The following HPSE2 variants were observed in gnomAD, a reference collection of about 807,000 sequenced individuals.
HPSE2 encodes heparanase 2 (inactive), also known as inactive heparanase-2.
Under a neutral mutation model 60.5 loss-of-function variants are expected in HPSE2, and 38 were observed. That is an observed-to-expected ratio of 0.63 (90% CI 0.48 to 0.82). HPSE2 has a LOEUF of 0.82. Ranked by LOEUF, HPSE2 falls within the 40% of genes least tolerant of loss-of-function variation. The pLI, the probability that HPSE2 is intolerant of heterozygous loss-of-function variation, is 0.00. For synonymous variants in HPSE2, 295 were observed against 293.2 expected (o/e 1.01, Z -0.06); for missense variants, 713 against 740.4 (o/e 0.96, Z 0.43).
intron 2 of HPSE2, among the ~76,000 whole-genome samples, chr10:99,209,170 C>A (rs1461597468): frequency 6.6e-6 from 1 of 152,144 alleles, no homozygotes; most frequent in Non-Finnish European, 1.5e-5. Context: ...AACATTCCAT[C>A]CAACAGCAGC....
At chr10:98,572,015 T>A (rs1370233340) in intron 9 of HPSE2, among the ~76,000 whole-genome samples, 3 of 149,862 alleles carry the variant, frequency 2.0e-5, no homozygotes, top group Non-Finnish European at 4.4e-5. Context: ...CTTGGCTCAC[T>A]GCAACCTCCC....
chr10:98,989,833 CTT>C (rs1956480013), intron 3 of HPSE2, among the ~76,000 whole-genome samples: 1 of 152,076 alleles, frequency 6.6e-6, no homozygotes, highest in Non-Finnish European at 1.5e-5. Flanking sequence ...AAGTAGGACT[CTT>C]GGTATTTTCA....
intron 2 of HPSE2, among the ~76,000 whole-genome samples, chr10:99,218,614 CA>C (rs1200058833): frequency 6.6e-6 from 1 of 152,172 alleles, no homozygotes; most frequent in Non-Finnish European, 1.5e-5. Flanking sequence ...CTCAGTCATT[CA>C]GTGACACAAA....
chr10:98,801,564 A>C (rs1950908363), intron 3 of HPSE2, among the ~76,000 whole-genome samples: 1 of 152,160 alleles, frequency 6.6e-6, no homozygotes, highest in South Asian at 2.1e-4. Flanking sequence ...AGTGAACAAT[A>C]TGAAAAAGAA....
At chr10:98,629,579 C>A (rs1008754473) in intron 7 of HPSE2, among the ~76,000 whole-genome samples, 3 of 152,190 alleles carry the variant, frequency 2.0e-5, no homozygotes, top group African/African-American at 7.2e-5. Flanking sequence ...TTCCTCACTG[C>A]CCCTCCCTGA....
At chr10:98,824,261 C>A (rs535736061) in intron 3 of HPSE2, among the ~76,000 whole-genome samples, 1 of 151,954 alleles carries the variant, frequency 6.6e-6, no homozygotes, top group South Asian at 2.1e-4. Flanking sequence ...GGTTAGTGAG[C>A]GGGGGTGGTC....
rs1395048401 is a variant in HPSE2 at position 98,673,242 on chromosome 10, A to G, written c.1004+20658T>C. 2.0e-5 allele frequency among the ~76,000 whole-genome samples: 3 copies of G among 152,230 alleles called. No homozygotes were observed. In the East Asian group the frequency reaches 5.8e-4, roughly 29 times the overall value. On this transcript the variant is annotated intron_variant, in intron 6 of 11. Transcript: ENST00000370552. ...ATAATACAGCTCTCAAAGGGATCAA[A>G]TGACACTAGAGACAAATGTATCAAG...
intron 4 of HPSE2, among the ~76,000 whole-genome samples, chr10:98,727,512 A>T (rs1010410658): frequency 3.3e-5 from 5 of 152,070 alleles, no homozygotes; most frequent in Non-Finnish European, 5.9e-5. Context: ...TTAGCTGGGC[A>T]TGGTGGTATG....
chr10:98,648,810 A>T (rs1946844267), intron 6 of HPSE2, among the ~76,000 whole-genome samples: 1 of 152,230 alleles, frequency 6.6e-6, no homozygotes, highest in Non-Finnish European at 1.5e-5. Flanking sequence ...TATTTATATC[A>T]AATGACAAAA....
intron 4 of HPSE2, among the ~76,000 whole-genome samples, chr10:98,728,534 C>G (rs1949148615): frequency 6.6e-6 from 1 of 152,138 alleles, no homozygotes. Context: ...AGGAGAATCG[C>G]TTGAACCTGG....
chr10:99,047,745 A>G (rs1957889100), intron 3 of HPSE2: 2 of 859,750 alleles, frequency 2.3e-6, no homozygotes, highest in African/African-American at 1.6e-5. Context: ...CTGAGAAAGA[A>G]GTTTGCCCAA....
chr10:98,624,539 C>T (rs919481914), intron 7 of HPSE2, among the ~76,000 whole-genome samples: 2 of 151,966 alleles, frequency 1.3e-5, no homozygotes, highest in Admixed American at 6.6e-5. Context: ...AGGGATTTAA[C>T]CAAGAAAGTG....
intron 9 of HPSE2, among the ~76,000 whole-genome samples, chr10:98,543,141 T>C (rs1366133079): frequency 6.6e-6 from 1 of 152,164 alleles, no homozygotes; most frequent in African/African-American, 2.4e-5. Context: ...TGGCAGAAAC[T>C]CTACAAGCCA....
chr10:98,963,088 T>C (rs1353729737), intron 3 of HPSE2, among the ~76,000 whole-genome samples: 4 of 152,202 alleles, frequency 2.6e-5, no homozygotes, highest in Non-Finnish European at 4.4e-5. Context: ...AGGATGCACA[T>C]AGCATAAGAT....
In HPSE2 at chr10:98,482,636, T is replaced by C; in HGVS notation, c.1613A>G (p.Lys538Arg). The C allele has an allele frequency of 1.9e-6, 3 of 1,614,178 alleles. No homozygotes were observed. Among genetic ancestry groups the C allele is most frequent in the Non-Finnish European group, 2.5e-6 (3 of 1,180,028 alleles). The change falls in exon 11 of 12, where the codon AAG becomes AGG. Residue 538 changes from lysine (K) to arginine (R), a missense_variant and splice_region_variant. Coordinates refer to ENST00000370552, the MANE Select transcript of HPSE2 (RefSeq NM_021828.5). ...GAGCTATTTTCAGGTTGGCACGTAC[T>C]TGGACTTTAGGCCCTCCTGCCCATA... Reference protein sequence around the residue: ...QPYGQEGLKSKSVQLNGQPLV... With the variant: ...QPYGQEGLKSRSVQLNGQPLV...
chr10:99,212,660 A>G (rs566229399), intron 2 of HPSE2, among the ~76,000 whole-genome samples: 1 of 152,280 alleles, frequency 6.6e-6, no homozygotes, highest in East Asian at 1.9e-4. Flanking sequence ...TTTGGGAGAT[A>G]TTGCTCAAAG....
At chr10:98,809,826 C>T (rs1050361605) in intron 3 of HPSE2, among the ~76,000 whole-genome samples, 3 of 152,128 alleles carry the variant, frequency 2.0e-5, no homozygotes, top group Admixed American at 1.3e-4. Flanking sequence ...TTGATGTATT[C>T]TCTCAAGACA....
rs943724793 is a variant in HPSE2, at chr10:98,585,845, G to A, written c.1320+29059C>T. Among the ~76,000 whole-genome samples, 7 of 150,808 alleles carry A rather than the reference G, an allele frequency of 4.6e-5. 1 individual carries two copies. The East Asian group carries it at 6.0e-4, about 13-fold the overall frequency. On this transcript the variant is annotated intron_variant, in intron 9 of 11. Coordinates refer to ENST00000370552, the MANE Select transcript of HPSE2 (RefSeq NM_021828.5). The stretch of plus-strand genomic sequence containing the variant: ...TGGGCACCTGTGATCCCAGCTACTC[G>A]GGAGGCTGAAGCAGGAGAATTGCTT...
chr10:98,939,647 C>A (rs1484998228), intron 3 of HPSE2, among the ~76,000 whole-genome samples: 2 of 142,948 alleles, frequency 1.4e-5, no homozygotes, highest in Admixed American at 7.0e-5. Context: ...ATTTTAACAC[C>A]CCACTGTCAA....
Sources: gnomAD v4.1 joint callset for allele counts (sites outside exome capture counted in the v4.1 genomes callset) on GRCh38, gnomAD v4.1.1 for gene constraint, MANE v1.5 for transcripts, NCBI Gene and HGNC (gene_info 2026-07-23, HGNC 2026-07-21) for gene names.